The following FHIP1A variants were observed in gnomAD, a reference collection of about 807,000 sequenced individuals.
FHIP1A encodes the protein FHF complex subunit HOOK interacting protein 1A.
In FHIP1A, 61 loss-of-function variants were observed where a neutral mutation model predicts 88.6. The ratio of observed to expected loss-of-function variants is 0.69; its 90% CI spans 0.56 to 0.85. The LOEUF is 0.85. Ranked by LOEUF, FHIP1A falls within the 40% of genes least tolerant of loss-of-function variation. FHIP1A has a pLI of 0.00. For missense variants in FHIP1A, 1,154 were observed against 1,273.5 expected (o/e 0.91, Z 1.43); for synonymous variants, 478 against 496.0 (o/e 0.96, Z 0.48).
At chr4:151,535,409 A>G (rs936676239) in intron 3 of FHIP1A, among the ~76,000 whole-genome samples, 2 of 152,342 alleles carry the variant, frequency 1.3e-5, no homozygotes, top group East Asian at 3.9e-4. Flanking sequence ...ATACTTAGTA[A>G]TTATAGGAAT....
chr4:151,465,214 CA>C (rs1034742845), intron 2 of FHIP1A, among the ~76,000 whole-genome samples: 2 of 151,826 alleles, frequency 1.3e-5, no homozygotes, highest in Non-Finnish European at 2.9e-5. Flanking sequence ...AAAACAAAAA[CA>C]AAAACTACCA....
At chr4:151,522,269 TG>T (rs1388646916) in intron 3 of FHIP1A, among the ~76,000 whole-genome samples, 3 of 152,170 alleles carry the variant, frequency 2.0e-5, no homozygotes, top group South Asian at 2.1e-4. Context: ...ATACAGGGTA[TG>T]GGGGCCACTC....
intron 7 of FHIP1A, among the ~76,000 whole-genome samples, chr4:151,607,294 G>A (rs376307565): frequency 6.6e-6 from 1 of 152,186 alleles, no homozygotes; most frequent in Non-Finnish European, 1.5e-5. Context: ...ACAATTGAAC[G>A]AGGTAATTAA....
chr4:151,588,612 T>C (rs902694329), intron 6 of FHIP1A, among the ~76,000 whole-genome samples: 5 of 152,206 alleles, frequency 3.3e-5, no homozygotes, highest in Non-Finnish European at 7.4e-5. Context: ...ACCAATATTA[T>C]GTTTGAAAGT....
chr4:151,412,642 CCCTG>C (rs1732708373), intron 1 of FHIP1A, among the ~76,000 whole-genome samples: 1 of 126,170 alleles, frequency 7.9e-6, no homozygotes, highest in Non-Finnish European at 1.7e-5. Flanking sequence ...CTCCCTCCCT[CCCTG>C]CCTCCCTTCT....
intron 7 of FHIP1A, among the ~76,000 whole-genome samples, chr4:151,594,423 G>A (rs567798546): frequency 8.8e-4 from 134 of 152,218 alleles, no homozygotes; most frequent in African/African-American, 3.1e-3. Context: ...GGTCTGTTCA[G>A]GGATTTGACT....
chr4:151,655,618 C>T (rs921752375), intron 11 of FHIP1A, among the ~76,000 whole-genome samples: 3 of 152,164 alleles, frequency 2.0e-5, no homozygotes, highest in Non-Finnish European at 4.4e-5. Flanking sequence ...AGCAGGGGCT[C>T]CTCCACCTCT....
At chr4:151,417,453 T>C (rs1732938955) in intron 1 of FHIP1A, among the ~76,000 whole-genome samples, 2 of 152,180 alleles carry the variant, frequency 1.3e-5, no homozygotes, top group African/African-American at 4.8e-5. Context: ...AAAATTATAT[T>C]TCTATGCAAA....
chr4:151,475,492 A>G (rs959245135), intron 2 of FHIP1A, among the ~76,000 whole-genome samples: 4 of 152,162 alleles, frequency 2.6e-5, no homozygotes, highest in Non-Finnish European at 5.9e-5. Flanking sequence ...GAAGAGGAGG[A>G]TGATATATGA....
At chr4:151,474,456 T>C (rs1473222443) in intron 2 of FHIP1A, among the ~76,000 whole-genome samples, 1 of 152,208 alleles carries the variant, frequency 6.6e-6, no homozygotes, top group Admixed American at 6.5e-5. Flanking sequence ...AAATGGAGAT[T>C]TGTGAAATTT....
intron 11 of FHIP1A, among the ~76,000 whole-genome samples, chr4:151,652,236 G>C (rs556996024): frequency 6.6e-6 from 1 of 152,224 alleles, no homozygotes; most frequent in Non-Finnish European, 1.5e-5. Context: ...CCTGAGAACT[G>C]ACAAAACATA....
chr4:151,651,065 G>T (rs896985107), intron 11 of FHIP1A, among the ~76,000 whole-genome samples: 1 of 152,222 alleles, frequency 6.6e-6, no homozygotes, highest in Non-Finnish European at 1.5e-5. Context: ...CAGAGTCCGT[G>T]TTGGGTGACA....
At chr4:151,526,570 G>A (rs1478171315) in intron 3 of FHIP1A, among the ~76,000 whole-genome samples, 16 of 141,310 alleles carry the variant, frequency 1.1e-4, no homozygotes, top group South Asian at 4.6e-4. Flanking sequence ...CCGGGCAGAG[G>A]CGCCCCTCAC....
At chr4:151,629,634 C>A in intron 7 of FHIP1A, 68 bp from the exon 8 acceptor site, 1 of 1,427,738 alleles carries the variant, frequency 7.0e-7, no homozygotes, top group Non-Finnish European at 9.5e-7. Flanking sequence ...GGCTGGGGGC[C>A]ACGGGAGAGG....
intron 7 of FHIP1A, among the ~76,000 whole-genome samples, chr4:151,595,429 G>T (rs1048318184): frequency 7.2e-5 from 11 of 152,164 alleles, no homozygotes; most frequent in African/African-American, 1.2e-4. Flanking sequence ...ATTTGCTGAG[G>T]AGTGTTTTAC....
At chr4:151,625,511 G>A (rs1370067462) in intron 7 of FHIP1A, among the ~76,000 whole-genome samples, 2 of 152,210 alleles carry the variant, frequency 1.3e-5, no homozygotes, top group Non-Finnish European at 2.9e-5. Context: ...ATGCAAATGG[G>A]ATCGCCTGAC....
At position 151,586,760 on chromosome 4, in the gene FHIP1A, G is replaced by C; in HGVS notation, c.852G>C (p.Gln284His). ...GGCTTCTACTTCCTTCTCTTGTCCA[G>C]TTCATGAACTCCCTGGAGTTTTGCA... ...DDWLLLPSLVQFMNSLEFCNA... is the reference protein window; with the variant it reads ...DDWLLLPSLVHFMNSLEFCNA... The change falls in exon 6 of 14, where the codon CAG becomes CAC. Residue 284 changes from glutamine to histidine, a missense_variant. By Grantham distance (24) the Gln-to-His change is conservative (BLOSUM62 0). Coordinates refer to ENST00000435205, the MANE Select transcript of FHIP1A (RefSeq NM_001109977.3). 2 of 1,551,072 alleles carry C rather than the reference G, an allele frequency of 1.3e-6. No individual in the cohort carries two copies. The highest frequency in any genetic ancestry group is 8.7e-7 in the Non-Finnish European group (1 of 1,146,556).
At chr4:151,576,432 TCA>T (rs1267150439) in intron 4 of FHIP1A, among the ~76,000 whole-genome samples, 7 of 152,022 alleles carry the variant, frequency 4.6e-5, no homozygotes, top group Admixed American at 4.6e-4. Flanking sequence ...TCCTAATACC[TCA>T]GAGTCTCAAG....
chr4:151,429,911 C>G (rs1346255505), intron 1 of FHIP1A, among the ~76,000 whole-genome samples: 1 of 151,248 alleles, frequency 6.6e-6, no homozygotes, highest in East Asian at 1.9e-4. Flanking sequence ...ATGTACTTTC[C>G]AGCTTACAGA....
Sources: gnomAD v4.1 joint callset for allele counts (sites outside exome capture counted in the v4.1 genomes callset) on GRCh38, gnomAD v4.1.1 for gene constraint, MANE v1.5 for transcripts, NCBI Gene and HGNC (gene_info 2026-07-23, HGNC 2026-07-21) for gene names.